PDGFD: variants seen among roughly 807,000 people sequenced by gnomAD.
PDGFD encodes the protein platelet-derived growth factor D.
PDGFD carries 30 observed loss-of-function variants against 44.7 expected under a neutral mutation model. The ratio of observed to expected loss-of-function variants is 0.67; its 90% confidence interval spans 0.50 to 0.91. The LOEUF is 0.91. Ranked by LOEUF, PDGFD falls within the 40% of genes least tolerant of loss-of-function variation. The pLI is 0.00. For missense variants in PDGFD, 445 were observed against 457.8 expected (o/e 0.97, Z 0.25); for synonymous variants, 173 against 168.4 (o/e 1.03, Z -0.21).
chr11:104,105,108 G>A (rs1431438364), intron 1 of PDGFD, among the ~76,000 whole-genome samples: 3 of 152,116 alleles, frequency 2.0e-5, no homozygotes, highest in Non-Finnish European at 2.9e-5. Context: ...TGGGGGATCC[G>A]TGATTATCAT....
chr11:104,028,047 G>A (rs551953594), intron 1 of PDGFD, among the ~76,000 whole-genome samples: 242 of 152,024 alleles, frequency 1.6e-3, no homozygotes, highest in African/African-American at 4.8e-3. Context: ...AAAATTAGCC[G>A]GGCATGGTGA....
Position 104,163,977 on chromosome 11 carries a change from T to C in PDGFD, c.-50A>G, listed in dbSNP as rs7951704. On this transcript the variant is annotated 5_prime_UTR_variant, in exon 1 of 7. Transcript: ENST00000393158. ...GTCGCTCCAAGAAAAAGCCGGGTTC[T>C]GCTCCCGGGACCGACGCCGCGCCGC... is the stretch of plus-strand genomic sequence containing the variant. 7,965 of 1,482,656 alleles carry C rather than the reference T, an allele frequency of 5.4e-3. 367 individuals carry two copies. The African/African-American group carries it at 0.098, about 18-fold the overall frequency. The allele number at this position is 1,482,656 out of a possible 1,614,324, so 91.8% of individuals were successfully genotyped here.
intron 1 of PDGFD, among the ~76,000 whole-genome samples, chr11:104,115,328 C>A (rs936148635): frequency 2.7e-5 from 4 of 148,336 alleles, no homozygotes; most frequent in African/African-American, 9.9e-5. Flanking sequence ...TATATATAGT[C>A]ATATATGTGT....
intron 1 of PDGFD, among the ~76,000 whole-genome samples, chr11:104,101,755 C>A (rs1861385269): frequency 6.6e-6 from 1 of 151,792 alleles, no homozygotes; most frequent in Admixed American, 6.6e-5. Context: ...CAGAACAGAG[C>A]CCCCAGAAAT....
At chr11:104,147,270 C>T (rs1862177194) in intron 1 of PDGFD, among the ~76,000 whole-genome samples, 1 of 151,730 alleles carries the variant, frequency 6.6e-6, no homozygotes, top group Non-Finnish European at 1.5e-5. Context: ...GTCGAGTTCT[C>T]CACAAATAGA....
intron 3 of PDGFD, among the ~76,000 whole-genome samples, chr11:103,948,484 G>A (rs1008912285): frequency 3.3e-5 from 5 of 152,178 alleles, no homozygotes; most frequent in African/African-American, 1.2e-4. Flanking sequence ...TGACCTCCAT[G>A]TTAATTACTA....
intron 1 of PDGFD, among the ~76,000 whole-genome samples, chr11:104,021,596 C>T (rs1383163954): frequency 1.3e-5 from 2 of 152,090 alleles, no homozygotes; most frequent in Non-Finnish European, 2.9e-5. Flanking sequence ...GCTTGTTATG[C>T]CAAAGATAAA....
intron 6 of PDGFD, among the ~76,000 whole-genome samples, chr11:103,912,097 G>A (rs1858037351): frequency 6.6e-6 from 1 of 152,088 alleles, no homozygotes; most frequent in African/African-American, 2.4e-5. Flanking sequence ...TATCAGGGCA[G>A]GCCAACATTC....
At chr11:104,051,573 G>C (rs1229313680) in intron 1 of PDGFD, among the ~76,000 whole-genome samples, 1 of 151,846 alleles carries the variant, frequency 6.6e-6, no homozygotes, top group African/African-American at 2.4e-5. Flanking sequence ...TAAAATTTAA[G>C]GTAGGTGATT....
chr11:103,974,567 C>T (rs1311593558), intron 3 of PDGFD, among the ~76,000 whole-genome samples: 1 of 152,082 alleles, frequency 6.6e-6, no homozygotes, highest in African/African-American at 2.4e-5. Context: ...CCCATCAACT[C>T]ATCATCTAGG....
At chr11:104,072,727 A>C (rs992077896) in intron 1 of PDGFD, among the ~76,000 whole-genome samples, 3 of 151,990 alleles carry the variant, frequency 2.0e-5, no homozygotes, top group African/African-American at 7.2e-5. Context: ...TATATTTTAT[A>C]ATATGGAGTT....
intron 1 of PDGFD, among the ~76,000 whole-genome samples, chr11:104,155,484 C>G (rs1370608256): frequency 1.3e-5 from 2 of 152,182 alleles, no homozygotes; most frequent in East Asian, 3.9e-4. Flanking sequence ...TACTAGCTGT[C>G]ATTTCTCAGT....
At chr11:104,044,761 G>A (rs1469366948) in intron 1 of PDGFD, among the ~76,000 whole-genome samples, 6 of 152,076 alleles carry the variant, frequency 3.9e-5, no homozygotes, top group East Asian at 1.9e-4. Flanking sequence ...ATTCTTGGCC[G>A]GGCGTGGTGG....
intron 6 of PDGFD, among the ~76,000 whole-genome samples, chr11:103,923,828 C>A (rs936721424): frequency 6.6e-6 from 1 of 152,126 alleles, no homozygotes; most frequent in African/African-American, 2.4e-5. Flanking sequence ...TTTCATCCAG[C>A]ACTTGACAGA....
At chr11:104,112,633 G>A (rs939370115) in intron 1 of PDGFD, among the ~76,000 whole-genome samples, 10 of 151,878 alleles carry the variant, frequency 6.6e-5, no homozygotes, top group African/African-American at 1.7e-4. Flanking sequence ...AATGCCCATC[G>A]ATGATAGACT....
chr11:103,939,843 A>G (rs1426326570), intron 5 of PDGFD, among the ~76,000 whole-genome samples: 2 of 152,090 alleles, frequency 1.3e-5, no homozygotes, highest in East Asian at 3.8e-4. Context: ...TTAGGTTTGA[A>G]ACTACAGTTA....
intron 1 of PDGFD, among the ~76,000 whole-genome samples, chr11:104,096,642 G>A (rs573156210): frequency 6.6e-6 from 1 of 152,224 alleles, no homozygotes; most frequent in African/African-American, 2.4e-5. Flanking sequence ...TCTGTTACAG[G>A]TGTCTTATTA....
chr11:103,954,625 G>A (rs1858809481), intron 3 of PDGFD, among the ~76,000 whole-genome samples: 1 of 152,042 alleles, frequency 6.6e-6, no homozygotes, highest in Non-Finnish European at 1.5e-5. Context: ...CTTATTTGGG[G>A]AAAGTTTTAA....
At chr11:103,912,090 C>A (rs1447645299) in intron 6 of PDGFD, among the ~76,000 whole-genome samples, 1 of 152,134 alleles carries the variant, frequency 6.6e-6, no homozygotes, top group South Asian at 2.1e-4. Context: ...CCCCATCTAT[C>A]AGGGCAGGCC....
Sources: allele counts gnomAD v4.1 joint callset (sites outside exome capture counted in the v4.1 genomes callset), GRCh38; gene constraint gnomAD v4.1.1; transcripts MANE v1.5; gene names NCBI Gene and HGNC (gene_info 2026-07-23, HGNC 2026-07-21).